FAM120B: variants seen among roughly 807,000 people sequenced by gnomAD.
FAM120B encodes family with sequence similarity 120 member B.
A neutral mutation model predicts 96.3 loss-of-function variants in FAM120B; 83 were observed. The observed-to-expected ratio is 0.86, with a 90% CI of 0.72 to 1.03. The LOEUF is 1.03. FAM120B is among the 50% of genes least tolerant of loss of function. FAM120B has a pLI of 0.00. For synonymous variants in FAM120B, 407 were observed against 402.7 expected, an observed-to-expected ratio of 1.01 and a Z score of -0.13; for missense variants, 1,027 against 1,121.2, an observed-to-expected ratio of 0.92 and a Z score of 1.20.
chr6:170,369,018 A>G (rs1007873819), intron 6 of FAM120B, among the ~76,000 whole-genome samples: 1 of 151,700 alleles, frequency 6.6e-6, no homozygotes, highest in African/African-American at 2.4e-5. Flanking sequence ...CTTCAGCATA[A>G]GAAATTTTGG....
Position 170,404,791 on chromosome 6 carries a change from C to T in FAM120B, c.*40C>T. On this transcript the variant is annotated 3_prime_UTR_variant, in exon 11 of 11. Coordinates refer to ENST00000476287, the MANE Select transcript of FAM120B (RefSeq NM_032448.3). The stretch of plus-strand genomic sequence containing the variant: ...GAGTATGGAGAGAAAAAGAGGCACA[C>T]CTGGACGCAGAGCCCTGCCAGCGCC... The T allele has an allele frequency of 3.4e-6, 2 of 589,012 alleles. No individual in the cohort carries two copies. 36.5% of individuals were successfully genotyped at this position (589,012 alleles called of 1,614,324 possible). A position where few individuals can be genotyped will look rare whatever the true frequency, so the allele number is the denominator to read the frequency against.
At chr6:170,349,108 G>A (rs886216403) in intron 5 of FAM120B, among the ~76,000 whole-genome samples, 9 of 152,192 alleles carry the variant, frequency 5.9e-5, no homozygotes, top group Non-Finnish European at 1.0e-4. Context: ...GGCTGAGAAT[G>A]CTCCCATCTC....
At chr6:170,378,541 T>C (rs978139536) in intron 6 of FAM120B, among the ~76,000 whole-genome samples, 2 of 152,226 alleles carry the variant, frequency 1.3e-5, no homozygotes, top group African/African-American at 4.8e-5. Flanking sequence ...TGCCAGACTC[T>C]GTGAAGAGAA....
upstream of FAM120B, among the ~76,000 whole-genome samples, chr6:170,293,957 T>C (rs1244589006): frequency 6.6e-6 from 1 of 152,132 alleles, no homozygotes; most frequent in East Asian, 1.9e-4. Context: ...TAATTTTCAT[T>C]GATTGGGAAG....
At chr6:170,335,923 G>A (rs1282595882) in intron 4 of FAM120B, among the ~76,000 whole-genome samples, 1 of 151,950 alleles carries the variant, frequency 6.6e-6, no homozygotes, top group Non-Finnish European at 1.5e-5. Context: ...TGAAATTTAA[G>A]TTCCTTGTAG....
intron 6 of FAM120B, among the ~76,000 whole-genome samples, chr6:170,369,748 T>G (rs1176942694): frequency 6.6e-6 from 1 of 151,844 alleles, no homozygotes; most frequent in Non-Finnish European, 1.5e-5. Context: ...AGGTTTCTCT[T>G]GTCCTGGAGA....
intron 1 of FAM120B, among the ~76,000 whole-genome samples, chr6:170,309,119 T>A (rs1444410518): frequency 6.6e-6 from 1 of 152,222 alleles, no homozygotes; most frequent in Non-Finnish European, 1.5e-5. Flanking sequence ...CTGTGTAAAT[T>A]CACACAGGAA....
upstream of FAM120B, among the ~76,000 whole-genome samples, chr6:170,304,756 CCTT>C (rs1308557588): frequency 6.6e-6 from 1 of 152,006 alleles, no homozygotes; most frequent in Non-Finnish European, 1.5e-5. Flanking sequence ...TAGGTTTGCT[CCTT>C]CTGCTTGGAG....
At chr6:170,292,503 A>T (rs1783907343), upstream of FAM120B, among the ~76,000 whole-genome samples, 1 of 152,210 alleles carries the variant, frequency 6.6e-6, no homozygotes, top group Non-Finnish European at 1.5e-5. The surrounding 1 kb of genome is among the most constrained non-coding windows in gnomAD (Gnocchi z 6.6). Context: ...CCAAGGAAGC[A>T]GCCTGGCCAC....
At chr6:170,365,381 A>C (rs1399472417) in intron 6 of FAM120B, among the ~76,000 whole-genome samples, 1 of 152,188 alleles carries the variant, frequency 6.6e-6, no homozygotes, top group Admixed American at 6.5e-5. Flanking sequence ...TTCTCGCCTT[A>C]CTAGGGATGA....
upstream of FAM120B, among the ~76,000 whole-genome samples, chr6:170,292,005 G>A (rs996610264): frequency 6.6e-6 from 1 of 152,176 alleles, no homozygotes; most frequent in Middle Eastern, 3.2e-3. This position sits in a 1 kb window ranked among gnomAD's most constrained non-coding sequence, Gnocchi z 6.6. Flanking sequence ...CTGTTATTGT[G>A]CGAGGCTGAA....
Position 170,363,720 on chromosome 6 carries a change from T to A in FAM120B, c.2283+5402T>A, listed in dbSNP as rs750019041. ...GTGTGTGCACCAGCGAAACATGGCA[T>A]TCCTACAGTGAGATTATATCAAGAA... On this transcript the variant is annotated intron_variant, in intron 6 of 10. Transcript: ENST00000476287. This position sits in a 1 kb window ranked among gnomAD's most constrained non-coding sequence, Gnocchi z 4.5. Among the ~76,000 whole-genome samples, 4 of 152,260 alleles carry A rather than the reference T, an allele frequency of 2.6e-5. No individual in the cohort carries two copies. Among genetic ancestry groups the A allele is most frequent in the Admixed American group, 1.3e-4 (2 of 15,288 alleles).
chr6:170,342,740 G>A (rs1225505846), intron 4 of FAM120B, among the ~76,000 whole-genome samples: 1 of 152,230 alleles, frequency 6.6e-6, no homozygotes, highest in African/African-American at 2.4e-5. Context: ...GTGTACCGGG[G>A]TTTTTGAAGC....
chr6:170,330,612 A>G (rs764949417), intron 4 of FAM120B, 62 bp downstream of exon 4: 8 of 1,249,842 alleles, frequency 6.4e-6, no homozygotes, highest in African/African-American at 1.5e-5. Context: ...AAAGTCTAAG[A>G]ATGCATCAGT....
intron 6 of FAM120B, among the ~76,000 whole-genome samples, chr6:170,385,448 G>A (rs896909572): frequency 1.3e-5 from 2 of 152,092 alleles, no homozygotes; most frequent in Admixed American, 6.5e-5. Flanking sequence ...GAGTGTGGTA[G>A]GTAGGAAGGA....
intron 6 of FAM120B, among the ~76,000 whole-genome samples, chr6:170,359,603 CG>C (rs1409564573): frequency 8.6e-5 from 13 of 151,920 alleles, no homozygotes; most frequent in Admixed American, 2.6e-4. Flanking sequence ...TGTACATGTG[CG>C]TGTACATGTG....
intron 4 of FAM120B, among the ~76,000 whole-genome samples, chr6:170,331,914 A>G (rs1022017058): frequency 1.3e-5 from 2 of 152,358 alleles, no homozygotes; most frequent in Non-Finnish European, 2.9e-5. Flanking sequence ...TGTGCCCTAC[A>G]TGGAGGGCCA....
At chr6:170,319,811 G>C (rs1184422186) in intron 2 of FAM120B, among the ~76,000 whole-genome samples, 1 of 152,212 alleles carries the variant, frequency 6.6e-6, no homozygotes, top group Admixed American at 6.5e-5. Context: ...TGCATCACGC[G>C]GGGGCGCAGG....
intron 1 of FAM120B, among the ~76,000 whole-genome samples, chr6:170,296,716 C>T (rs1784020002): frequency 6.6e-6 from 1 of 151,970 alleles, no homozygotes; most frequent in Non-Finnish European, 1.5e-5. Context: ...CCGCCGAGAC[C>T]CCGGATCCCG....
Sources: gnomAD v4.1 joint callset for allele counts (sites outside exome capture counted in the v4.1 genomes callset) on GRCh38, gnomAD v4.1.1 for gene constraint, Gnocchi (gnomAD v3.1) non-coding constraint, MANE v1.5 for transcripts, NCBI Gene and HGNC (gene_info 2026-07-23, HGNC 2026-07-21) for gene names.